The following VPS13B variants were observed in gnomAD, a reference collection of about 807,000 sequenced individuals.
VPS13B encodes vacuolar protein sorting 13 homolog B.
A neutral mutation model predicts 426.4 loss-of-function variants in VPS13B; 285 were observed. That is an observed-to-expected ratio of 0.67 (90% CI 0.61 to 0.74). The LOEUF (loss-of-function observed/expected upper bound fraction) is 0.74, where lower values mean the gene tolerates loss of function less well. VPS13B is among the 30% of genes least tolerant of loss of function. The pLI, the probability that VPS13B is intolerant of heterozygous loss-of-function variation, is 0.00. For missense variants in VPS13B, 4,537 were observed against 4,782.6 expected (o/e 0.95, Z 1.51); for synonymous variants, 1,676 against 1,676.4 (o/e 1.00, Z 0.01).
In VPS13B at chr8:99,197,704, A is replaced by G. The variant is rs925829005; in HGVS notation, c.2515+4647A>G. ...TGAGCATGCTCCTTTTTCTTAGTCT[A>G]TTGAAGGGTTTATCTTGTCAAAAAA... On this transcript the variant is annotated intron_variant, in intron 17 of 61. Coordinates refer to ENST00000357162, the MANE Select transcript of VPS13B (RefSeq NM_152564.5). Among the ~76,000 whole-genome samples the G allele has an allele frequency of 3.3e-5, 5 of 151,944 alleles. No individual in the cohort carries two copies. In the East Asian group the frequency reaches 5.8e-4, roughly 18 times the overall value.
intron 17 of VPS13B, among the ~76,000 whole-genome samples, chr8:99,198,527 G>A (rs1814085161): frequency 1.3e-5 from 2 of 151,802 alleles, no homozygotes; most frequent in Non-Finnish European, 1.5e-5. Context: ...CATTTTATTT[G>A]AAATTTCCTA....
intron 33 of VPS13B, among the ~76,000 whole-genome samples, chr8:99,624,032 T>TTTC (rs1828491287): frequency 8.3e-6 from 1 of 120,200 alleles, no homozygotes; most frequent in East Asian, 2.5e-4. Flanking sequence ...TTTTTTTTTT[T>TTTC]CTGTGTGAAC....
intron 24 of VPS13B, among the ~76,000 whole-genome samples, chr8:99,473,812 C>A (rs1246462024): frequency 6.6e-6 from 1 of 152,122 alleles, no homozygotes; most frequent in Non-Finnish European, 1.5e-5. Context: ...TTTTATGAGA[C>A]AAAGTTAATG....
intron 17 of VPS13B, among the ~76,000 whole-genome samples, chr8:99,205,034 T>A (rs1276889199): frequency 6.6e-6 from 1 of 152,260 alleles, no homozygotes; most frequent in African/African-American, 2.4e-5. Flanking sequence ...TAAATCATTC[T>A]ACATAAAGAC....
intron 28 of VPS13B, among the ~76,000 whole-genome samples, chr8:99,508,939 A>G (rs906760451): frequency 6.6e-6 from 1 of 152,084 alleles, no homozygotes; most frequent in African/African-American, 2.4e-5. Context: ...CATGTGGCTT[A>G]CCTTTCAAGT....
chr8:99,719,031 A>C (rs1332695271), intron 37 of VPS13B, among the ~76,000 whole-genome samples: 1 of 152,200 alleles, frequency 6.6e-6, no homozygotes, highest in Non-Finnish European at 1.5e-5. Flanking sequence ...AGATTTGGGA[A>C]GATCCTAATA....
At chr8:99,416,153 G>A (rs910443308) in intron 21 of VPS13B, among the ~76,000 whole-genome samples, 2 of 152,166 alleles carry the variant, frequency 1.3e-5, no homozygotes, top group African/African-American at 4.8e-5. Context: ...GGCCACAGTG[G>A]CTTTGTGGTG....
At chr8:99,513,260 T>C (rs1821888372) in intron 29 of VPS13B, among the ~76,000 whole-genome samples, 1 of 152,176 alleles carries the variant, frequency 6.6e-6, no homozygotes, top group Admixed American at 6.5e-5. Context: ...TAGGCTTTTA[T>C]GATTTCCTGA....
chr8:99,415,036 G>A (rs1248933814), intron 21 of VPS13B, among the ~76,000 whole-genome samples: 1 of 152,068 alleles, frequency 6.6e-6, no homozygotes, highest in Non-Finnish European at 1.5e-5. Context: ...GTCACTTTCA[G>A]GTACACCAAT....
chr8:99,872,275 G>GACTT (rs1400455551), intron 61 of VPS13B, among the ~76,000 whole-genome samples: 3 of 152,200 alleles, frequency 2.0e-5, no homozygotes, highest in African/African-American at 4.8e-5. Context: ...CAAACCTGGA[G>GACTT]ACTTCAAGGG....
intron 2 of VPS13B, among the ~76,000 whole-genome samples, chr8:99,034,449 G>A (rs954537475): frequency 6.6e-6 from 1 of 151,336 alleles, no homozygotes; most frequent in Non-Finnish European, 1.5e-5. Flanking sequence ...TGTTCATGAG[G>A]CCTCATGGTT....
rs1329501904 is a variant in VPS13B at position 99,510,998 on chromosome 8, A to G, written c.4225-106A>G. On this transcript the variant is annotated intron_variant, in intron 28 of 61. Coordinates refer to ENST00000357162, the MANE Select transcript of VPS13B (RefSeq NM_152564.5). ...ATGTGTTTATTAAGAAGTGTAGGGT[A>G]AGACCAAGAGGTAAAAATACTCACT... The G allele has an allele frequency of 2.4e-6, 3 of 1,253,760 alleles. No individual in the cohort carries two copies. The African/African-American group carries it at 4.5e-5, about 19-fold the overall frequency. 77.7% of individuals were successfully genotyped at this position (1,253,760 alleles called of 1,614,324 possible). A position where few individuals can be genotyped will look rare whatever the true frequency, so the allele number is the denominator to read the frequency against.
At chr8:99,139,309 A>G (rs948062475) in intron 12 of VPS13B, among the ~76,000 whole-genome samples, 9 of 152,116 alleles carry the variant, frequency 5.9e-5, no homozygotes, top group African/African-American at 1.4e-4. Flanking sequence ...CATTTTACAG[A>G]TGAGGAAACA....
chr8:99,371,257 C>T (rs1441547715), intron 19 of VPS13B, among the ~76,000 whole-genome samples: 1 of 152,100 alleles, frequency 6.6e-6, no homozygotes, highest in Non-Finnish European at 1.5e-5. Context: ...TAATATTAAG[C>T]AATTTATTTC....
chr8:99,573,342 G>A (rs1825589261), intron 31 of VPS13B, among the ~76,000 whole-genome samples: 1 of 152,146 alleles, frequency 6.6e-6, no homozygotes, highest in African/African-American at 2.4e-5. Flanking sequence ...TGTTGCCATT[G>A]CTTTTGTTGT....
intron 21 of VPS13B, among the ~76,000 whole-genome samples, chr8:99,424,893 A>G (rs1816602566): frequency 6.6e-6 from 1 of 152,204 alleles, no homozygotes; most frequent in South Asian, 2.1e-4. Context: ...ATCACCACCG[A>G]TCCCACAGAA....
At chr8:99,536,941 G>A (rs1027053793) in intron 30 of VPS13B, 9 of 407,562 alleles carry the variant, frequency 2.2e-5, no homozygotes, top group South Asian at 9.0e-5. Context: ...TGTTCAGTTC[G>A]ATGATAGAAC....
chr8:99,479,747 A>G (rs1819938689), intron 24 of VPS13B, among the ~76,000 whole-genome samples: 1 of 152,048 alleles, frequency 6.6e-6, no homozygotes, highest in African/African-American at 2.4e-5. Flanking sequence ...ATTTCTTTTT[A>G]TGGCTAAACA....
chr8:99,473,814 A>C (rs1056864907), intron 24 of VPS13B, among the ~76,000 whole-genome samples: 1 of 152,212 alleles, frequency 6.6e-6, no homozygotes, highest in African/African-American at 2.4e-5. Flanking sequence ...TTATGAGACA[A>C]AGTTAATGTA....
Sources: gnomAD v4.1 joint callset for allele counts (sites outside exome capture counted in the v4.1 genomes callset) on GRCh38, gnomAD v4.1.1 for gene constraint, MANE v1.5 for transcripts, NCBI Gene and HGNC (gene_info 2026-07-23, HGNC 2026-07-21) for gene names.